Variants in ACP3 observed in about 807,000 individuals in gnomAD.
The protein encoded by ACP3 is acid phosphatase 3.
ACP3 carries 38 observed loss-of-function variants against 45.6 expected under a neutral mutation model. That is an observed-to-expected ratio of 0.83 (90% CI 0.64 to 1.09). ACP3 has a LOEUF of 1.09. ACP3 is among the 50% of genes least tolerant of loss of function. ACP3 has a pLI of 0.00. For synonymous variants in ACP3, 162 were observed against 164.7 expected (o/e 0.98, Z 0.13); for missense variants, 466 against 463.2 (o/e 1.01, Z -0.05).
Position 132,357,508 on chromosome 3 carries a change from C to G in ACP3, c.*630C>G. On this transcript the variant is annotated 3_prime_UTR_variant, in exon 10 of 10. Coordinates refer to ENST00000336375, the MANE Select transcript of ACP3 (RefSeq NM_001099.5). Reference sequence around the variant, plus strand: ...AGGCTACAGAACTAAAAATTAAAACCTCTTTGTGTCCCTTGGTCCTGGAAC... The same window carrying G: ...AGGCTACAGAACTAAAAATTAAAACGTCTTTGTGTCCCTTGGTCCTGGAAC... 2.0e-6 allele frequency: 2 copies of G among 985,022 alleles called. No homozygotes were observed. Among genetic ancestry groups the G allele is most frequent in the Non-Finnish European group, 2.4e-6 (2 of 829,608 alleles). 61.0% of individuals were successfully genotyped at this position (985,022 alleles called of 1,614,324 possible).
In ACP3 at chr3:132,332,536, C is replaced by G. The variant is rs570887977; in HGVS notation, c.456+192C>G. 3.8e-5 allele frequency: 25 copies of G among 660,522 alleles called. No individual in the cohort carries two copies. The African/African-American group carries it at 4.2e-4, about 11-fold the overall frequency. The allele number at this position is 660,522 out of a possible 1,614,324, so 40.9% of individuals were successfully genotyped here. A position where few individuals can be genotyped will look rare whatever the true frequency, so the allele number is the denominator to read the frequency against. On this transcript the variant is annotated intron_variant, in intron 4 of 9. Coordinates refer to ENST00000336375, the MANE Select transcript of ACP3 (RefSeq NM_001099.5). ...CTAAGAGAGAGTAGGAACCAAATTT[C>G]TCTTTGGATCTGTATGATCCACTTT...
intron 1 of ACP3, among the ~76,000 whole-genome samples, chr3:132,326,435 A>G (rs2107795040): frequency 6.6e-6 from 1 of 152,344 alleles, no homozygotes; most frequent in Non-Finnish European, 1.5e-5. Flanking sequence ...GTCACCCCTG[A>G]GACTAGTAAC....
At chr3:132,322,160 G>C (rs977118023) in intron 1 of ACP3, among the ~76,000 whole-genome samples, 1 of 152,162 alleles carries the variant, frequency 6.6e-6, no homozygotes, top group Non-Finnish European at 1.5e-5. Context: ...TGAAAACCCA[G>C]ACCTTTTCTG....
intron 7 of ACP3, among the ~76,000 whole-genome samples, chr3:132,349,649 C>T (rs542217411): frequency 6.6e-6 from 1 of 152,202 alleles, no homozygotes; most frequent in South Asian, 2.1e-4. Context: ...ATCCAGCTTT[C>T]CTTACCTGGC....
At chr3:132,366,813 A>C (rs1302887750) in intron 10 of ACP3, among the ~76,000 whole-genome samples, 1 of 152,226 alleles carries the variant, frequency 6.6e-6, no homozygotes, top group Non-Finnish European at 1.5e-5. Context: ...ACCCCAATAC[A>C]ATTATCTGCT....
intron 1 of ACP3, among the ~76,000 whole-genome samples, chr3:132,328,053 T>A (rs1307326859): frequency 6.6e-6 from 1 of 152,154 alleles, no homozygotes; most frequent in East Asian, 1.9e-4. Context: ...GGAGATTTTT[T>A]AAATCCTGAT....
At chr3:132,345,817 C>T (rs897794277) in intron 7 of ACP3, among the ~76,000 whole-genome samples, 1 of 152,124 alleles carries the variant, frequency 6.6e-6, no homozygotes, top group Non-Finnish European at 1.5e-5. Context: ...AAGTCAGGAC[C>T]AGCAAAGACA....
intron 5 of ACP3, among the ~76,000 whole-genome samples, chr3:132,338,348 CCTTTT>C (rs1489506662): frequency 6.6e-6 from 1 of 150,454 alleles, no homozygotes; most frequent in Non-Finnish European, 1.5e-5. Flanking sequence ...AGAGTTTCCT[CCTTTT>C]CTTTCTTTTC....
chr3:132,323,174 A>G (rs1458339505), intron 1 of ACP3, among the ~76,000 whole-genome samples: 1 of 152,132 alleles, frequency 6.6e-6, no homozygotes, highest in Non-Finnish European at 1.5e-5. Flanking sequence ...AGAAAGGAAA[A>G]AAAAAAAGCA....
In ACP3 at chr3:132,328,358, C is replaced by T. The variant is rs756337358; in HGVS notation, c.212C>T (p.Thr71Ile). The T allele has an allele frequency of 5.6e-6, 9 of 1,613,184 alleles. No individual in the cohort carries two copies. In the Middle Eastern group the frequency reaches 5.0e-4, roughly 89 times the overall value. The change falls in exon 2 of 10, where the codon ACC becomes ATC. Residue 71 changes from threonine (T) to isoleucine (I), a missense_variant. Coordinates refer to ENST00000336375, the MANE Select transcript of ACP3 (RefSeq NM_001099.5). ...TGGCCACAAGGATTTGGCCAACTCACCCAGGTTGGTTGGACTTTTAGCTAA... is the reference window on the plus strand; with the variant it reads ...TGGCCACAAGGATTTGGCCAACTCATCCAGGTTGGTTGGACTTTTAGCTAA... ...SSWPQGFGQL[T>I]QLGMEQHYEL...
chr3:132,322,447 T>A (rs1937224255), intron 1 of ACP3, among the ~76,000 whole-genome samples: 1 of 152,168 alleles, frequency 6.6e-6, no homozygotes, highest in African/African-American at 2.4e-5. Context: ...ATTTCTTAGG[T>A]CCTAAAAGAA....
At chr3:132,354,179 A>G (rs1034891413) in intron 9 of ACP3, among the ~76,000 whole-genome samples, 7 of 152,174 alleles carry the variant, frequency 4.6e-5, no homozygotes, top group Non-Finnish European at 1.0e-4. Flanking sequence ...GCACAGAGTT[A>G]ATAAATCCAA....
chr3:132,317,807 C>T (rs892143135), intron 1 of ACP3, among the ~76,000 whole-genome samples: 23 of 152,256 alleles, frequency 1.5e-4, no homozygotes, highest in African/African-American at 5.3e-4. Flanking sequence ...TTTTTATTTG[C>T]TTTTGCTGAT....
At position 132,367,708 on chromosome 3, in the gene ACP3, A is replaced by AT; in HGVS notation, c.1143_1144insT (p.Lys382Ter). The AT allele has an allele frequency of 6.2e-7, 1 of 1,605,624 alleles. No homozygotes were observed. Among genetic ancestry groups the AT allele is most frequent in the Non-Finnish European group, 8.5e-7 (1 of 1,172,288 alleles). Reference sequence around the variant, plus strand: ...ACTTTTCCTATTTTCCCACAGTTCTAAAGGTCATCTTTGCTGTTGCCTTTT... The same window carrying AT: ...ACTTTTCCTATTTTCCCACAGTTCTATAAGGTCATCTTTGCTGTTGCCTTTT... On this transcript the variant is annotated frameshift_variant, in exon 11 of 11. Coordinates refer to the ACP3 transcript ENST00000351273. LOFTEE classifies it high-confidence loss of function.
At chr3:132,335,668 A>G (rs1226879747) in intron 4 of ACP3, among the ~76,000 whole-genome samples, 1 of 152,222 alleles carries the variant, frequency 6.6e-6, no homozygotes, top group Admixed American at 6.5e-5. Context: ...GATGGCTAGA[A>G]GAGGGGTAGA....
intron 1 of ACP3, among the ~76,000 whole-genome samples, chr3:132,326,599 C>A (rs1159370468): frequency 1.3e-5 from 2 of 152,166 alleles, no homozygotes; most frequent in Non-Finnish European, 2.9e-5. Flanking sequence ...TTTAATTTGT[C>A]ACTAGTTTAA....
chr3:132,318,591 T>G (rs191845519), intron 1 of ACP3, among the ~76,000 whole-genome samples: 1 of 152,178 alleles, frequency 6.6e-6, no homozygotes, highest in Non-Finnish European at 1.5e-5. Flanking sequence ...ATTATTCTTA[T>G]AGTCCAGTAA....
rs772254420 is a variant in ACP3 at position 132,342,579 on chromosome 3, T to C, written c.583T>C (p.Ser195Pro). The C allele has an allele frequency of 3.1e-6, 5 of 1,613,030 alleles. No individual in the cohort carries two copies. The change falls in exon 6 of 10, where the codon TCA becomes CCA. Residue 195 changes from serine to proline, a missense_variant. Transcript: ENST00000336375. ...TTTTATAGCTACCTTGGGAAAACTTTCAGGATTACATGGCCAGGACCTTTT... is the reference window on the plus strand; with the variant it reads ...TTTTATAGCTACCTTGGGAAAACTTCCAGGATTACATGGCCAGGACCTTTT... ...KDFIATLGKL[S>P]GLHGQDLFGI... is the part of the protein sequence containing the mutation.
downstream of ACP3, among the ~76,000 whole-genome samples, chr3:132,360,736 A>G (rs1938025267): frequency 6.6e-6 from 1 of 152,254 alleles, no homozygotes; most frequent in Non-Finnish European, 1.5e-5. Flanking sequence ...GAGACTTACT[A>G]GTGAGAAGTC....
Sources: gnomAD v4.1 joint callset for allele counts (sites outside exome capture counted in the v4.1 genomes callset) on GRCh38, gnomAD v4.1.1 for gene constraint, MANE v1.5 for transcripts, NCBI Gene and HGNC (gene_info 2026-07-23, HGNC 2026-07-21) for gene names.